CPT1A: variants seen among roughly 807,000 people sequenced by gnomAD.
The protein encoded by CPT1A is carnitine palmitoyltransferase 1A.
In CPT1A, 64 loss-of-function variants were observed where a neutral mutation model predicts 100.8. That is an observed-to-expected ratio of 0.63 (90% confidence interval 0.52 to 0.78). The LOEUF is 0.78. Ranked by LOEUF, CPT1A falls within the 30% of genes least tolerant of loss-of-function variation. CPT1A has a pLI of 0.00. For synonymous variants in CPT1A, 363 were observed against 396.0 expected (o/e 0.92, Z 0.99); for missense variants, 802 against 1,034.1 (o/e 0.78, Z 3.08).
rs1044748249 is a variant in CPT1A, at chr11:68,761,675, G to A, written c.1888C>T (p.Leu630=). Residue 630 remains leucine, a synonymous_variant, in exon 16 of 19, where the codon CTG becomes TTG. Coordinates refer to ENST00000265641, the MANE Select transcript of CPT1A (RefSeq NM_001876.4). ...TCAGACGCCAACTTGAACAACTTCAGCCTCTGTTCCACCTGAGTGACAAAA... is the reference window on the plus strand; with the variant it reads ...TCAGACGCCAACTTGAACAACTTCAACCTCTGTTCCACCTGAGTGACAAAA... The part of the protein sequence containing the change: ...VDPAQTVEQR[L]KLFKLASEKH... 4.3e-6 allele frequency: 7 copies of A among 1,614,162 alleles called. No individual in the cohort carries two copies. Among genetic ancestry groups the A allele is most frequent in the Non-Finnish European group, 5.9e-6 (7 of 1,180,026 alleles).
intron 12 of CPT1A, among the ~76,000 whole-genome samples, chr11:68,778,543 A>T (rs545033709): frequency 3.0e-4 from 45 of 152,028 alleles, no homozygotes; most frequent in African/African-American, 1.0e-3. Context: ...TATATATATA[A>T]AAATTATCCG....
chr11:68,793,701 G>C (rs1197109809), intron 8 of CPT1A, among the ~76,000 whole-genome samples: 1 of 150,148 alleles, frequency 6.7e-6, no homozygotes, highest in South Asian at 2.1e-4. Flanking sequence ...AGCTGAGATC[G>C]TGCCACTACA....
intron 16 of CPT1A, 112 bp downstream of exon 16, chr11:68,761,423 G>GT (rs1594316381): frequency 1.6e-6 from 2 of 1,284,750 alleles, no homozygotes; most frequent in Non-Finnish European, 2.2e-6. Context: ...CCACAGACCC[G>GT]TTTTTTTCAA....
chr11:68,820,314 G>A (rs1856548435), intron 1 of CPT1A, among the ~76,000 whole-genome samples: 1 of 152,028 alleles, frequency 6.6e-6, no homozygotes, highest in African/African-American at 2.4e-5. Flanking sequence ...TTACAGGTGT[G>A]AGCCACCATG....
Position 68,781,841 on chromosome 11 carries a change from T to C in CPT1A, c.1282A>G (p.Arg428Gly). ...ATTGACGTATCCGGGTCTTCACTTC[T>C]GTATCCTTCTTCAGTTTCATCTAAC... The part of the protein sequence containing the change: ...VTLDETEEGY[R>G]SEDPDTSMDS... The change falls in exon 11 of 19, where the codon AGA becomes GGA. Residue 428 changes from arginine (R) to glycine (G), a missense_variant. By Grantham distance (125) the Arg-to-Gly change is moderately radical. Around this residue, in one of 4 missense-constraint regions of CPT1A, gnomAD observed 627 missense variants for 799.3 expected, o/e 0.78. Transcript: ENST00000265641. The C allele has an allele frequency of 6.2e-7, 1 of 1,614,152 alleles. No individual in the cohort carries two copies. The highest frequency in any genetic ancestry group is 8.5e-7 in the Non-Finnish European group (1 of 1,180,032).
intron 9 of CPT1A, chr11:68,785,903 T>C (rs1855450709): frequency 1.6e-6 from 1 of 612,112 alleles, no homozygotes; most frequent in Non-Finnish European, 3.0e-6. Flanking sequence ...TAAAACAGAG[T>C]AATTTAAGCT....
At chr11:68,786,298 C>T (rs1191282933) in intron 9 of CPT1A, among the ~76,000 whole-genome samples, 1 of 152,094 alleles carries the variant, frequency 6.6e-6, no homozygotes, top group Non-Finnish European at 1.5e-5. Context: ...GGAGCAGAGG[C>T]TGCAGTGAAC....
chr11:68,815,359 C>G lies in CPT1A; in HGVS notation c.116G>C (p.Trp39Ser), dbSNP rs766209790. 5 of 1,613,968 alleles carry G rather than the reference C, an allele frequency of 3.1e-6. No individual in the cohort carries two copies. Among genetic ancestry groups the G allele is most frequent in the Admixed American group, 1.7e-5 (1 of 59,982 alleles). Residue 39 changes from tryptophan to serine, a missense_variant, in exon 2 of 19, where the codon TGG becomes TCG. Trp to Ser is a radical substitution (Grantham distance 177). Around this residue, in one of 4 missense-constraint regions of CPT1A, gnomAD observed 161 missense variants for 183.7 expected, o/e 0.88. Transcript: ENST00000265641. Reference sequence around the variant, plus strand: ...CTTGAATCTGATGAACTTCTTTTTCCAGGAATGAAGTCCAGAGAGATAGAT... The same window carrying G: ...CTTGAATCTGATGAACTTCTTTTTCGAGGAATGAAGTCCAGAGAGATAGAT... ...RQIYLSGLHS[W>S]KKKFIRFKNG... is the part of the protein sequence containing the mutation.
chr11:68,764,840 G>A (rs754465093), intron 14 of CPT1A, among the ~76,000 whole-genome samples: 1 of 152,266 alleles, frequency 6.6e-6, no homozygotes, highest in Non-Finnish European at 1.5e-5. Context: ...AGCGTCTAGA[G>A]ACCGTGGGAG....
At chr11:68,764,081 C>T (rs1854716592) in intron 14 of CPT1A, among the ~76,000 whole-genome samples, 1 of 152,158 alleles carries the variant, frequency 6.6e-6, no homozygotes, top group Non-Finnish European at 1.5e-5. Flanking sequence ...TGAGGCTGAG[C>T]CTTGGTGGAG....
Position 68,773,300 on chromosome 11 carries a change from A to T in CPT1A, c.1705T>A (p.Phe569Ile), listed in dbSNP as rs749393354. 6.2e-7 allele frequency: 1 copy of T among 1,614,160 alleles called. No individual in the cohort carries two copies. The highest frequency in any genetic ancestry group is 1.1e-5 in the South Asian group (1 of 91,086). ...GCCAGCTGGAGGGCCAGCTGCACAA[A>T]GGCGTCTGGGCTCGTGCGACATTTC... ...IKKCRTSPDAFVQLALQLAHY... is the reference protein window; with the variant it reads ...IKKCRTSPDAIVQLALQLAHY... Residue 569 changes from phenylalanine to isoleucine, a missense_variant, in exon 14 of 19, where the codon TTT becomes ATT. Around this residue, in one of 4 missense-constraint regions of CPT1A, gnomAD observed 627 missense variants for 799.3 expected, o/e 0.78. Transcript: ENST00000265641.
At position 68,793,350 on chromosome 11, in the gene CPT1A, A is replaced by G. The variant is rs747720893; in HGVS notation, c.932T>C (p.Met311Thr). Reference protein sequence around the residue: ...IPLCSAQWERMFNTSRIPGEE... With the variant: ...IPLCSAQWERTFNTSRIPGEE... The stretch of plus-strand genomic sequence containing the variant: ...TCCTGGGATCCGGGAAGTATTAAAC[A>G]TCCGCTCCCACTGAGCGGAGCAGAG... Residue 311 changes from methionine to threonine, a missense_variant, in exon 9 of 19, where the codon ATG (methionine) becomes ACG (threonine). Around this residue, in one of 4 missense-constraint regions of CPT1A, gnomAD observed 627 missense variants for 799.3 expected, o/e 0.78. Coordinates refer to ENST00000265641, the MANE Select transcript of CPT1A (RefSeq NM_001876.4). The G allele has an allele frequency of 6.2e-7, 1 of 1,612,086 alleles. No homozygotes were observed. Among genetic ancestry groups the G allele is most frequent in the African/African-American group, 1.3e-5 (1 of 74,884 alleles).
chr11:68,793,203 AT>A, intron 9 of CPT1A, 111 bp downstream of exon 9: 1 of 700,860 alleles, frequency 1.4e-6, no homozygotes, highest in Non-Finnish European at 2.4e-6. Context: ...CCAGCCTACA[AT>A]CTCAGGAAGG....
At chr11:68,835,874 A>C (rs1856996038) in intron 1 of CPT1A, among the ~76,000 whole-genome samples, 1 of 152,210 alleles carries the variant, frequency 6.6e-6, no homozygotes, top group South Asian at 2.1e-4. Context: ...TAAAGTATGC[A>C]GGATGCCCTT....
intron 16 of CPT1A, 94 bp downstream of exon 16, chr11:68,761,441 T>A: frequency 2.1e-6 from 3 of 1,429,128 alleles, no homozygotes; most frequent in African/African-American, 1.4e-5. Flanking sequence ...CAAATGCCCA[T>A]TCTGACATTA....
intron 1 of CPT1A, among the ~76,000 whole-genome samples, chr11:68,822,430 G>A (rs1235849886): frequency 6.6e-6 from 1 of 152,016 alleles, no homozygotes; most frequent in East Asian, 1.9e-4. Context: ...CAACTTGGGA[G>A]GCTGAGGCAG....
intron 1 of CPT1A, among the ~76,000 whole-genome samples, chr11:68,828,059 T>C (rs985889920): frequency 3.3e-5 from 5 of 152,178 alleles, no homozygotes; most frequent in Admixed American, 6.5e-5. Context: ...AAAAAGAGCA[T>C]AGTGTTCGTG....
At chr11:68,812,133 G>T (rs757637724) in intron 3 of CPT1A, among the ~76,000 whole-genome samples, 1 of 152,154 alleles carries the variant, frequency 6.6e-6, no homozygotes, top group Non-Finnish European at 1.5e-5. Flanking sequence ...GAGCCCTATT[G>T]GCCAGGCTAA....
At chr11:68,796,518 T>C (rs1274349178) in intron 7 of CPT1A, among the ~76,000 whole-genome samples, 3 of 151,954 alleles carry the variant, frequency 2.0e-5, no homozygotes, top group South Asian at 4.2e-4. Flanking sequence ...ATCGTGCCAT[T>C]GCACTCCAGC....
Sources: gnomAD v4.1 joint callset for allele counts (sites outside exome capture counted in the v4.1 genomes callset) on GRCh38, gnomAD v4.1.1 for gene constraint, gnomAD v4.1.1 regional missense constraint, MANE v1.5 for transcripts, NCBI Gene and HGNC (gene_info 2026-07-23, HGNC 2026-07-21) for gene names.